The following SCFD2 variants were observed in gnomAD, a reference collection of about 807,000 sequenced individuals.
The protein encoded by SCFD2 is sec1 family domain containing 2, also known as sec1 family domain-containing protein 2.
A neutral mutation model predicts 58.9 loss-of-function variants in SCFD2; 54 were observed. The observed-to-expected ratio is 0.92, with a 90% CI of 0.74 to 1.15. SCFD2 has a LOEUF of 1.15. Ranked by LOEUF, SCFD2 falls within the 50% of genes most tolerant of loss-of-function variation. The pLI is 0.00. For synonymous variants in SCFD2, 321 were observed against 335.9 expected, an observed-to-expected ratio of 0.96 and a Z score of 0.49; for missense variants, 805 against 836.6, an observed-to-expected ratio of 0.96 and a Z score of 0.47.
chr4:53,057,635 A>T (rs1005974067), intron 5 of SCFD2, among the ~76,000 whole-genome samples: 11 of 152,124 alleles, frequency 7.2e-5, no homozygotes, highest in African/African-American at 2.7e-4. Context: ...CCTATGTAAC[A>T]ACCCTGTACA....
intron 4 of SCFD2, among the ~76,000 whole-genome samples, chr4:53,246,142 G>A (rs1306558544): frequency 6.6e-6 from 1 of 151,990 alleles, no homozygotes; most frequent in Admixed American, 6.6e-5. Flanking sequence ...TAATCAGGGA[G>A]GGGAAAGATC....
At chr4:53,236,127 T>C (rs933088613) in intron 4 of SCFD2, among the ~76,000 whole-genome samples, 3 of 152,166 alleles carry the variant, frequency 2.0e-5, no homozygotes, top group African/African-American at 7.2e-5. Flanking sequence ...GATCCACCCT[T>C]AATCTGGTGG....
At chr4:53,158,131 G>A (rs1228407514) in intron 4 of SCFD2, among the ~76,000 whole-genome samples, 1 of 152,164 alleles carries the variant, frequency 6.6e-6, no homozygotes, top group African/African-American at 2.4e-5. Flanking sequence ...GGATTATATA[G>A]TTCCAGCACA....
intron 5 of SCFD2, among the ~76,000 whole-genome samples, chr4:53,079,215 C>G (rs1353188225): frequency 6.6e-6 from 1 of 152,018 alleles, no homozygotes; most frequent in Non-Finnish European, 1.5e-5. Flanking sequence ...GTCTGAAAGC[C>G]CAAGAACCAG....
chr4:52,982,623 A>C (rs1721401031), intron 5 of SCFD2, among the ~76,000 whole-genome samples: 1 of 152,192 alleles, frequency 6.6e-6, no homozygotes, highest in African/African-American at 2.4e-5. Context: ...CCAATCTCTA[A>C]AAATTGATTC....
intron 4 of SCFD2, among the ~76,000 whole-genome samples, chr4:53,264,629 A>G (rs974990805): frequency 6.6e-6 from 1 of 152,354 alleles, no homozygotes; most frequent in East Asian, 1.9e-4. Context: ...CAGGAATGGC[A>G]CTAAAATGAG....
intron 5 of SCFD2, among the ~76,000 whole-genome samples, chr4:53,078,476 A>G (rs1158685812): frequency 6.6e-6 from 1 of 152,230 alleles, no homozygotes; most frequent in African/African-American, 2.4e-5. Flanking sequence ...TATAATTTAA[A>G]AAGTGTGCAA....
intron 5 of SCFD2, among the ~76,000 whole-genome samples, chr4:53,136,179 G>C (rs2148903842): frequency 6.6e-6 from 1 of 152,220 alleles, no homozygotes; most frequent in East Asian, 1.9e-4. Flanking sequence ...GGTTTTCCCA[G>C]GGATCCGTAA....
chr4:53,092,637 T>C (rs760555579), intron 5 of SCFD2, among the ~76,000 whole-genome samples: 14 of 152,162 alleles, frequency 9.2e-5, no homozygotes, highest in Admixed American at 8.5e-4. Context: ...TGATATATGA[T>C]ATAAAAAGAA....
Position 53,365,435 on chromosome 4 carries a change from C to A in SCFD2, c.507G>T (p.Leu169Phe). 1 of 1,614,154 alleles carries A rather than the reference C, an allele frequency of 6.2e-7. No homozygotes were observed. The highest frequency in any genetic ancestry group is 1.1e-5 in the South Asian group (1 of 91,082). The change falls in exon 1 of 9, where the codon TTG becomes TTT. Residue 169 changes from leucine to phenylalanine, a missense_variant. Physicochemically the swap from Leu to Phe is conservative, Grantham distance 22 (BLOSUM62 0). Transcript: ENST00000401642. This position sits in a 1 kb window ranked among gnomAD's most constrained non-coding sequence, Gnocchi z 4.3. ...GGAAAAGGGATGCAAAAGCTGGAGT[C>A]AAGGCAAAGTGGGGAGCAACAGGGG... The part of the protein sequence containing the change: ...LLAPVAPHFA[L>F]TPAFASLFPL...
At chr4:53,085,379 T>C (rs766984222) in intron 5 of SCFD2, among the ~76,000 whole-genome samples, 2 of 151,990 alleles carry the variant, frequency 1.3e-5, no homozygotes, top group Non-Finnish European at 2.9e-5. Context: ...TGAAGGAAAT[T>C]AAAGAAGAAA....
intron 4 of SCFD2, among the ~76,000 whole-genome samples, chr4:53,216,131 C>G (rs955674005): frequency 1.1e-4 from 16 of 152,076 alleles, no homozygotes; most frequent in Admixed American, 7.9e-4. Context: ...TCTCTGCCAG[C>G]CTTTGGTGTC....
chr4:52,980,898 C>T (rs1334677684), intron 5 of SCFD2, among the ~76,000 whole-genome samples: 2 of 152,072 alleles, frequency 1.3e-5, no homozygotes, highest in African/African-American at 4.8e-5. Context: ...ACTGTGAGTT[C>T]TTAGAGAGCT....
intron 4 of SCFD2, among the ~76,000 whole-genome samples, chr4:53,206,041 C>A (rs910957102): frequency 2.6e-5 from 4 of 152,132 alleles, no homozygotes; most frequent in African/African-American, 2.4e-5. Flanking sequence ...ACTAGTCCCC[C>A]AAAGTGCAGC....
chr4:53,152,624 T>A (rs1303052135), intron 4 of SCFD2, among the ~76,000 whole-genome samples: 1 of 152,162 alleles, frequency 6.6e-6, no homozygotes, highest in Non-Finnish European at 1.5e-5. Flanking sequence ...TCTCATGTCC[T>A]CGCAATAAAA....
chr4:53,217,070 G>A (rs1412468835), intron 4 of SCFD2, among the ~76,000 whole-genome samples: 1 of 152,174 alleles, frequency 6.6e-6, no homozygotes, highest in African/African-American at 2.4e-5. Context: ...TTCCAGCTAT[G>A]TGGTCAATTT....
intron 6 of SCFD2, among the ~76,000 whole-genome samples, chr4:52,919,089 G>A (rs1294087658): frequency 6.6e-6 from 1 of 152,214 alleles, no homozygotes; most frequent in Admixed American, 6.5e-5. Flanking sequence ...CTGAGGGCTG[G>A]AGAAATGACA....
chr4:53,165,128 G>A (rs547531892), intron 4 of SCFD2, among the ~76,000 whole-genome samples: 1 of 152,020 alleles, frequency 6.6e-6, no homozygotes, highest in Non-Finnish European at 1.5e-5. Flanking sequence ...CCTTTTAAGC[G>A]TTACCATAAA....
chr4:53,246,045 C>A (rs1466181514), intron 4 of SCFD2, among the ~76,000 whole-genome samples: 1 of 152,034 alleles, frequency 6.6e-6, no homozygotes, highest in Non-Finnish European at 1.5e-5. Flanking sequence ...TTCCTATACA[C>A]CAACAATAGC....
Sources: gnomAD v4.1 joint callset for allele counts (sites outside exome capture counted in the v4.1 genomes callset) on GRCh38, gnomAD v4.1.1 for gene constraint, Gnocchi (gnomAD v3.1) non-coding constraint, MANE v1.5 for transcripts, NCBI Gene and HGNC (gene_info 2026-07-23, HGNC 2026-07-21) for gene names.